The following DDX18 variants were observed in gnomAD, a reference collection of about 807,000 sequenced individuals.
The protein encoded by DDX18 is ATP-dependent RNA helicase DDX18.
DDX18 carries 23 observed loss-of-function variants against 73.5 expected under a neutral mutation model. The ratio of observed to expected loss-of-function variants is 0.31; its 90% CI spans 0.23 to 0.44. The LOEUF is 0.44. Ranked by LOEUF, DDX18 falls within the 20% of genes least tolerant of loss-of-function variation. DDX18 has a pLI of 1.00. For missense variants in DDX18, 753 were observed against 792.9 expected (o/e 0.95, Z 0.60); for synonymous variants, 268 against 282.7 (o/e 0.95, Z 0.52).
In DDX18 at chr2:117,821,035, A is replaced by G. The variant is rs113651589; in HGVS notation, c.515-126A>G. ...TTTTTCTTGATATTATCACATATGA[A>G]TAATTAAGGTTTAGCCTTTTCTTAC... On this transcript the variant is annotated intron_variant, in intron 3 of 13. Coordinates refer to ENST00000263239, the MANE Select transcript of DDX18 (RefSeq NM_006773.4). 115 of 878,230 alleles carry G rather than the reference A, an allele frequency of 1.3e-4. No homozygotes were observed. The African/African-American group carries it at 1.6e-3, about 12-fold the overall frequency. The allele number at this position is 878,230 out of a possible 1,614,324, so 54.4% of individuals were successfully genotyped here.
chr2:117,828,885 T>A, intron 11 of DDX18, 64 bp from the exon 12 acceptor site: 1 of 1,169,264 alleles, frequency 8.6e-7, no homozygotes, highest in Non-Finnish European at 1.3e-6. Context: ...TTCCCTGTCT[T>A]CAGTACCCAG....
At chr2:117,830,512 T>G in intron 13 of DDX18, 70 bp from the exon 14 acceptor site, 1 of 1,546,180 alleles carries the variant, frequency 6.5e-7, no homozygotes, top group Non-Finnish European at 8.7e-7. Flanking sequence ...TGCCGGTTTT[T>G]TTCTCTGTGT....
At chr2:117,829,155 C>T in intron 12 of DDX18, 134 bp from the exon 13 acceptor site, 2 of 1,145,006 alleles carry the variant, frequency 1.7e-6, no homozygotes, top group Non-Finnish European at 2.5e-6. Context: ...TCTTGCTATT[C>T]TAGTTATCAC....
intron 9 of DDX18, 87 bp from the exon 10 acceptor site, chr2:117,825,360 A>AATAAAG (rs1679907908): frequency 6.8e-7 from 1 of 1,480,804 alleles, no homozygotes; most frequent in African/African-American, 1.4e-5. Flanking sequence ...TGAGCTCGAA[A>AATAAAG]TAGGGTAACA....
At chr2:117,823,934 G>A (rs909121142) in intron 7 of DDX18, among the ~76,000 whole-genome samples, 1 of 152,138 alleles carries the variant, frequency 6.6e-6, no homozygotes, top group African/African-American at 2.4e-5. Flanking sequence ...ATAGTGAATT[G>A]TATTGGTTGA....
intron 11 of DDX18, chr2:117,826,757 A>AGCCTCT: frequency 4.7e-6 from 1 of 211,650 alleles, no homozygotes. Flanking sequence ...TGTTCGCTCT[A>AGCCTCT]GCCTCTGCCT....
At chr2:117,822,863 T>C (rs1679869996) in intron 7 of DDX18, 1 of 129,778 alleles carries the variant, frequency 7.7e-6, no homozygotes, top group South Asian at 2.2e-4. Context: ...TTGATCTGTT[T>C]TCTGCTGCTA....
intron 1 of DDX18, among the ~76,000 whole-genome samples, chr2:117,816,609 CA>C (rs1381131514): frequency 6.6e-6 from 1 of 152,048 alleles, no homozygotes; most frequent in Admixed American, 6.5e-5. Context: ...ACAGTCGACT[CA>C]TTTTTTTTTA....
At chr2:117,820,329 C>T (rs563145380) in intron 3 of DDX18, among the ~76,000 whole-genome samples, 3 of 152,298 alleles carry the variant, frequency 2.0e-5, no homozygotes, top group African/African-American at 4.8e-5. Flanking sequence ...ATTCGCCCCC[C>T]GAGTAAGAAG....
intron 1 of DDX18, among the ~76,000 whole-genome samples, chr2:117,816,358 TG>T (rs1679757567): frequency 6.6e-6 from 1 of 152,250 alleles, no homozygotes; most frequent in South Asian, 2.1e-4. Flanking sequence ...ACAAGCACAT[TG>T]TACATACAGC....
rs1209464664 is a variant in DDX18, at chr2:117,830,570, G to T, written c.1871-12G>T. Reference sequence around the variant, plus strand: ...ATCTTTTTTGCTTGATTTCCTTAATGTTTGCCTCCAGACGTCAACAGTAAT... The same window carrying T: ...ATCTTTTTTGCTTGATTTCCTTAATTTTTGCCTCCAGACGTCAACAGTAAT... On this transcript the variant is annotated splice_polypyrimidine_tract_variant and intron_variant, in intron 13 of 13. Transcript: ENST00000263239. The T allele has an allele frequency of 6.2e-7, 1 of 1,608,026 alleles. No homozygotes were observed. Among genetic ancestry groups the T allele is most frequent in the African/African-American group, 1.3e-5 (1 of 74,330 alleles).
At chr2:117,822,392 C>G in intron 7 of DDX18, 131 bp downstream of exon 7, 1 of 652,228 alleles carries the variant, frequency 1.5e-6, no homozygotes, top group East Asian at 2.8e-5. Context: ...CCAATTAACC[C>G]GAAAGGTAAT....
At chr2:117,821,542 T>C (rs1003906822) in intron 4 of DDX18, 108 bp from the exon 5 acceptor site, 28 of 1,270,684 alleles carry the variant, frequency 2.2e-5, no homozygotes, top group African/African-American at 1.3e-4. Flanking sequence ...TTCAGCACTG[T>C]AGACGTTTCT....
chr2:117,823,476 T>C (rs1015097451), intron 7 of DDX18, among the ~76,000 whole-genome samples: 1 of 152,120 alleles, frequency 6.6e-6, no homozygotes, highest in African/African-American at 2.4e-5. Flanking sequence ...TACACACATA[T>C]ATATGCACAC....
At chr2:117,816,375 A>G (rs1679758028) in intron 1 of DDX18, among the ~76,000 whole-genome samples, 1 of 152,238 alleles carries the variant, frequency 6.6e-6, no homozygotes, top group South Asian at 2.1e-4. Flanking sequence ...ACAGCTGTAC[A>G]AAAAGTTTCC....
In DDX18 at chr2:117,825,021, G is replaced by A. The variant is rs971794094; in HGVS notation, c.1288G>A (p.Val430Ile). ...GAAGAACCGAAAGAAGAAGCTTATG[G>A]TCTTCTTTTCATCTTGTATGTCTGT... is the stretch of plus-strand genomic sequence containing the variant. ...LKKNRKKKLM[V>I]FFSSCMSVKY... Residue 430 changes from valine (V) to isoleucine (I), a missense_variant, in exon 9 of 14, where the codon GTC (valine) becomes ATC (isoleucine). Val to Ile is a conservative substitution (Grantham distance 29). Coordinates refer to ENST00000263239, the MANE Select transcript of DDX18 (RefSeq NM_006773.4). 2 of 1,613,510 alleles carry A rather than the reference G, an allele frequency of 1.2e-6. No homozygotes were observed. Among genetic ancestry groups the A allele is most frequent in the Admixed American group, 1.7e-5 (1 of 59,970 alleles).
chr2:117,826,543 G>T (rs143539515), intron 11 of DDX18, 161 bp downstream of exon 11: 8 of 677,340 alleles, frequency 1.2e-5, no homozygotes, highest in Non-Finnish European at 2.0e-5. Context: ...AGCCCAAGAA[G>T]TGAGCACAGA....
At chr2:117,817,357 G>A (rs1679776219) in intron 1 of DDX18, 87 bp from the exon 2 acceptor site, 2 of 1,248,684 alleles carry the variant, frequency 1.6e-6, no homozygotes, top group Middle Eastern at 2.9e-4. Context: ...GTGTCAGGAA[G>A]CCATGGAAGT....
chr2:117,820,626 A>G (rs2104621322), intron 3 of DDX18, among the ~76,000 whole-genome samples: 1 of 152,360 alleles, frequency 6.6e-6, no homozygotes, highest in South Asian at 2.1e-4. Flanking sequence ...CACCCTGGGC[A>G]TGTGGAGTAT....
Sources: allele counts gnomAD v4.1 joint callset (sites outside exome capture counted in the v4.1 genomes callset), GRCh38; gene constraint gnomAD v4.1.1; transcripts MANE v1.5; gene names NCBI Gene and HGNC (gene_info 2026-07-23, HGNC 2026-07-21).